MEGF11: variants seen among roughly 807,000 people sequenced by gnomAD.
The protein encoded by MEGF11 is multiple epidermal growth factor-like domains protein 11.
MEGF11 carries 126 observed loss-of-function variants against 146.6 expected under a neutral mutation model. The ratio of observed to expected loss-of-function variants is 0.86; its 90% confidence interval spans 0.74 to 1.00. The LOEUF (loss-of-function observed/expected upper bound fraction) is 1.00, where lower values mean the gene tolerates loss of function less well. MEGF11 is among the 50% of genes least tolerant of loss of function. MEGF11 has a pLI of 0.00. For missense variants in MEGF11, 1,509 were observed against 1,521.2 expected (o/e 0.99, Z 0.13); for synonymous variants, 532 against 583.4 (o/e 0.91, Z 1.27).
chr15:65,961,098 G>C (rs2080842497), intron 9 of MEGF11, among the ~76,000 whole-genome samples: 1 of 152,202 alleles, frequency 6.6e-6, no homozygotes. Flanking sequence ...ATGATGGAGA[G>C]CTGTGATTGC....
intron 7 of MEGF11, among the ~76,000 whole-genome samples, chr15:65,979,339 C>T (rs866096079): frequency 6.6e-6 from 1 of 152,196 alleles, no homozygotes; most frequent in Non-Finnish European, 1.5e-5. Context: ...CAAGTGGTCC[C>T]CAAGGTCCTT....
At chr15:66,053,714 A>ATT (rs2084549697) in intron 5 of MEGF11, among the ~76,000 whole-genome samples, 857 of 42,274 alleles carry the variant, frequency 0.02, 250 homozygotes, top group African/African-American at 0.034. Flanking sequence ...CCCTGGCACC[A>ATT]ATTTTTTTTT....
intron 1 of MEGF11, among the ~76,000 whole-genome samples, chr15:66,131,908 C>A (rs1001091167): frequency 2.6e-5 from 4 of 152,114 alleles, no homozygotes; most frequent in Non-Finnish European, 2.9e-5. Flanking sequence ...AACTCTGCTC[C>A]CCTCCCTCAA....
intron 5 of MEGF11, among the ~76,000 whole-genome samples, chr15:66,052,220 T>C (rs16949336): frequency 0.085 from 12,993 of 152,176 alleles, 1,333 homozygotes; most frequent in African/African-American, 0.24. Context: ...TCACTCCTCA[T>C]TGCTCTCCAG....
At chr15:66,241,084 T>C (rs1035612638) in intron 1 of MEGF11, among the ~76,000 whole-genome samples, 1 of 152,130 alleles carries the variant, frequency 6.6e-6, no homozygotes, top group Non-Finnish European at 1.5e-5. Context: ...TAGGCACAAG[T>C]TGGACTGTGT....
intron 1 of MEGF11, among the ~76,000 whole-genome samples, chr15:66,151,906 G>C (rs2089583724): frequency 6.6e-6 from 1 of 152,262 alleles, no homozygotes; most frequent in Non-Finnish European, 1.5e-5. Flanking sequence ...TCAGTGCCTG[G>C]CTCCCAGCCT....
At chr15:66,094,571 C>A in intron 4 of MEGF11, 77 bp from the exon 5 acceptor site, 1 of 1,281,750 alleles carries the variant, frequency 7.8e-7, no homozygotes, top group Non-Finnish European at 1.1e-6. Context: ...GAGCATAATC[C>A]ATTTTGTCAC....
chr15:66,100,823 G>A (rs953628151), intron 4 of MEGF11, among the ~76,000 whole-genome samples: 8 of 137,764 alleles, frequency 5.8e-5, no homozygotes, highest in African/African-American at 1.6e-4. Context: ...AAAGGGAGAC[G>A]GCACCTGAAT....
intron 4 of MEGF11, among the ~76,000 whole-genome samples, chr15:66,114,622 G>C (rs2087625063): frequency 3.3e-5 from 5 of 152,154 alleles, no homozygotes; most frequent in Admixed American, 2.6e-4. Context: ...CCTCTGTCCT[G>C]AAAGAAGGAA....
In MEGF11 at chr15:65,921,481, T is replaced by C. The variant is rs540884724; in HGVS notation, c.1957+857A>G. Among the ~76,000 whole-genome samples, 15 of 152,340 alleles carry C rather than the reference T, an allele frequency of 9.8e-5. No homozygotes were observed. The South Asian group carries it at 2.9e-3, about 29-fold the overall frequency. On this transcript the variant is annotated intron_variant, in intron 15 of 25. Coordinates refer to ENST00000395614, the MANE Select transcript of MEGF11 (RefSeq NM_001385028.1). ...CTGCTTCCTCTACACAGAATGCTTTTCTTCCTTTTCCACCTTTCAAGCTAA... is the reference window on the plus strand; with the variant it reads ...CTGCTTCCTCTACACAGAATGCTTTCCTTCCTTTTCCACCTTTCAAGCTAA...
chr15:66,022,868 G>C (rs1032155991), intron 5 of MEGF11, among the ~76,000 whole-genome samples: 2 of 147,420 alleles, frequency 1.4e-5, no homozygotes, highest in East Asian at 3.9e-4. Flanking sequence ...AAAAAAAATT[G>C]GTTGGGGGTA....
chr15:66,071,451 T>G (rs1482667087), intron 5 of MEGF11, among the ~76,000 whole-genome samples: 1 of 152,246 alleles, frequency 6.6e-6, no homozygotes, highest in African/African-American at 2.4e-5. Flanking sequence ...AGTTTAGAGC[T>G]GAGAGCAAAT....
Position 66,085,287 on chromosome 15 carries a change from A to G in MEGF11, c.394+9115T>C, listed in dbSNP as rs375560156. 3.3e-5 allele frequency among the ~76,000 whole-genome samples: 5 copies of G among 152,188 alleles called. 1 individual carries two copies. Among genetic ancestry groups the G allele is most frequent in the East Asian group, 3.8e-4 (2 of 5,196 alleles). On this transcript the variant is annotated intron_variant, in intron 5 of 25. Transcript: ENST00000395614. ...GGGCATATAATTTTGGGAGTTCTAC[A>G]GCCCCACCCACTACCGGTCCCTCTC...
intron 9 of MEGF11, among the ~76,000 whole-genome samples, chr15:65,962,342 C>T (rs994754953): frequency 6.6e-6 from 1 of 152,170 alleles, no homozygotes; most frequent in African/African-American, 2.4e-5. Context: ...TGCCCCACCC[C>T]ACCCTGGGAC....
At chr15:66,005,837 G>T (rs375913501) in intron 5 of MEGF11, among the ~76,000 whole-genome samples, 11 of 152,176 alleles carry the variant, frequency 7.2e-5, no homozygotes, top group Non-Finnish European at 1.5e-4. Flanking sequence ...CCCTGGCTCA[G>T]CCACTAACAT....
At chr15:66,076,770 T>C (rs896035540) in intron 5 of MEGF11, among the ~76,000 whole-genome samples, 2 of 152,120 alleles carry the variant, frequency 1.3e-5, no homozygotes, top group Non-Finnish European at 2.9e-5. Context: ...TCTGCCCAGA[T>C]CCATTCACCA....
intron 1 of MEGF11, among the ~76,000 whole-genome samples, chr15:66,179,297 T>C (rs2090477301): frequency 6.6e-6 from 1 of 152,146 alleles, no homozygotes; most frequent in Non-Finnish European, 1.5e-5. Context: ...CACACCCAGC[T>C]AATTTTTGTA....
intron 1 of MEGF11, among the ~76,000 whole-genome samples, chr15:66,247,640 C>T (rs2092313507): frequency 6.6e-6 from 1 of 152,130 alleles, no homozygotes; most frequent in South Asian, 2.1e-4. Flanking sequence ...ACTCAGGAGG[C>T]TGAAACAGGA....
intron 5 of MEGF11, among the ~76,000 whole-genome samples, chr15:66,041,309 G>T (rs1161749362): frequency 6.6e-6 from 1 of 152,208 alleles, no homozygotes; most frequent in African/African-American, 2.4e-5. Context: ...CAAGCTCTCT[G>T]CCTTAGGCTC....
Sources: gnomAD v4.1 joint callset for allele counts (sites outside exome capture counted in the v4.1 genomes callset) on GRCh38, gnomAD v4.1.1 for gene constraint, MANE v1.5 for transcripts, NCBI Gene and HGNC (gene_info 2026-07-23, HGNC 2026-07-21) for gene names.